The following RBMS3 variants were observed in gnomAD, a reference collection of about 807,000 sequenced individuals.
The protein encoded by RBMS3 is RNA binding motif single stranded interacting protein 3.
Under a neutral mutation model 66.8 loss-of-function variants are expected in RBMS3, and 27 were observed. The observed-to-expected ratio is 0.40, with a 90% CI of 0.30 to 0.56. The LOEUF is 0.56. Among genes scored for constraint, RBMS3 ranks in the 20% least tolerant of loss-of-function variants. The pLI, the probability that RBMS3 is intolerant of heterozygous loss-of-function variation, is 0.40. For missense variants in RBMS3, 513 were observed against 549.5 expected (o/e 0.93, Z 0.66); for synonymous variants, 188 against 183.0 (o/e 1.03, Z -0.22).
chr3:29,876,525 C>T (rs767560514), intron 7 of RBMS3, among the ~76,000 whole-genome samples: 2 of 152,062 alleles, frequency 1.3e-5, no homozygotes, highest in Non-Finnish European at 2.9e-5. Flanking sequence ...TAGAAAGAGG[C>T]GATATCAAGA....
chr3:29,574,885 CACTTTA>C (rs1169611999), intron 3 of RBMS3, among the ~76,000 whole-genome samples: 1 of 151,628 alleles, frequency 6.6e-6, no homozygotes, highest in Non-Finnish European at 1.5e-5. Context: ...AAAAACCCTA[CACTTTA>C]ACTTCATCCC....
At chr3:29,748,768 G>C (rs958533407) in intron 5 of RBMS3, among the ~76,000 whole-genome samples, 2 of 152,168 alleles carry the variant, frequency 1.3e-5, no homozygotes, top group Non-Finnish European at 2.9e-5. Context: ...ATGTTTTGAA[G>C]AAAGCATAGT....
At chr3:29,937,980 G>A (rs1394207017) in intron 11 of RBMS3, among the ~76,000 whole-genome samples, 3 of 151,668 alleles carry the variant, frequency 2.0e-5, no homozygotes, top group Non-Finnish European at 4.4e-5. Flanking sequence ...TAACAATCTG[G>A]AATCTGATTA....
intron 3 of RBMS3, among the ~76,000 whole-genome samples, chr3:29,500,968 A>G (rs1256389309): frequency 2.0e-5 from 3 of 152,188 alleles, no homozygotes; most frequent in Admixed American, 2.0e-4. Flanking sequence ...AATAAAATGT[A>G]AAAAGGAATC....
chr3:29,737,510 A>G (rs779408938), intron 4 of RBMS3, among the ~76,000 whole-genome samples: 4 of 152,160 alleles, frequency 2.6e-5, no homozygotes, highest in Non-Finnish European at 5.9e-5. Flanking sequence ...GTCCTTGGGC[A>G]AGATTGAATC....
intron 12 of RBMS3, among the ~76,000 whole-genome samples, chr3:29,975,400 C>T (rs1472420885): frequency 6.6e-6 from 1 of 151,548 alleles, no homozygotes; most frequent in Non-Finnish European, 1.5e-5. Flanking sequence ...TCCTATTGTC[C>T]ACATCCTTAC....
chr3:29,846,467 CT>C (rs1201128639), intron 6 of RBMS3, among the ~76,000 whole-genome samples: 1 of 152,138 alleles, frequency 6.6e-6, no homozygotes, highest in Non-Finnish European at 1.5e-5. Context: ...TACTTTGCAT[CT>C]GTTATTTCCA....
chr3:29,862,021 G>A (rs1277498839), intron 6 of RBMS3, among the ~76,000 whole-genome samples: 1 of 152,068 alleles, frequency 6.6e-6, no homozygotes, highest in Non-Finnish European at 1.5e-5. Context: ...GAAAGTAATT[G>A]GCACCATAAT....
chr3:29,804,453 C>A (rs1290565580), intron 6 of RBMS3, among the ~76,000 whole-genome samples: 1 of 151,788 alleles, frequency 6.6e-6, no homozygotes, highest in Non-Finnish European at 1.5e-5. Flanking sequence ...TTGAGCTTGG[C>A]AAATGGCAAA....
At chr3:29,475,112 A>G (rs192162622) in intron 2 of RBMS3, among the ~76,000 whole-genome samples, 7 of 152,360 alleles carry the variant, frequency 4.6e-5, no homozygotes, top group African/African-American at 1.7e-4. Context: ...TGAAAGGTTT[A>G]TTAAGGTTTA....
intron 6 of RBMS3, among the ~76,000 whole-genome samples, chr3:29,788,101 A>G (rs1192678500): frequency 3.3e-5 from 5 of 151,918 alleles, no homozygotes; most frequent in African/African-American, 1.2e-4. Context: ...CTGCTCCTGA[A>G]TCCCAAACGT....
At chr3:29,762,627 T>C (rs530308184) in intron 5 of RBMS3, among the ~76,000 whole-genome samples, 1 of 152,262 alleles carries the variant, frequency 6.6e-6, no homozygotes, top group East Asian at 1.9e-4. Flanking sequence ...TTGCCAAATA[T>C]TGCTGGGTGA....
intron 3 of RBMS3, among the ~76,000 whole-genome samples, chr3:29,522,136 C>G (rs2044884253): frequency 6.6e-6 from 1 of 152,128 alleles, no homozygotes; most frequent in South Asian, 2.1e-4. Flanking sequence ...AGAAGCTAAA[C>G]AGTCTAGAGG....
At chr3:29,626,992 G>T (rs2049084559) in intron 4 of RBMS3, among the ~76,000 whole-genome samples, 1 of 152,090 alleles carries the variant, frequency 6.6e-6, no homozygotes, top group African/African-American at 2.4e-5. Context: ...TAAAGCCTGG[G>T]TTGCTACCCT....
chr3:29,874,711 T>C (rs566620267), intron 7 of RBMS3, among the ~76,000 whole-genome samples: 2 of 152,184 alleles, frequency 1.3e-5, no homozygotes, highest in Non-Finnish European at 1.5e-5. Flanking sequence ...AAGCTCAAGG[T>C]TAATGGAACT....
chr3:29,334,471 A>G (rs2035835468), intron 1 of RBMS3, among the ~76,000 whole-genome samples: 1 of 152,194 alleles, frequency 6.6e-6, no homozygotes, highest in South Asian at 2.1e-4. Context: ...ATTTTTAAGA[A>G]ACAGTGTTCT....
At chr3:29,707,487 T>G (rs2052958057) in intron 4 of RBMS3, among the ~76,000 whole-genome samples, 1 of 152,240 alleles carries the variant, frequency 6.6e-6, no homozygotes, top group Non-Finnish European at 1.5e-5. Context: ...ATGATTTTTC[T>G]TAAGTGTAGC....
chr3:29,939,743 G>A (rs976033857), intron 11 of RBMS3, among the ~76,000 whole-genome samples: 9 of 151,604 alleles, frequency 5.9e-5, no homozygotes, highest in African/African-American at 1.9e-4. Flanking sequence ...CATGATTTTC[G>A]TAAGCAATCT....
chr3:29,911,107 A>G (rs1235323377), intron 10 of RBMS3, among the ~76,000 whole-genome samples: 3 of 152,010 alleles, frequency 2.0e-5, no homozygotes, highest in African/African-American at 7.2e-5. Context: ...CTGTGGAGGG[A>G]GTAGAGGAAT....
Sources: gnomAD v4.1 joint callset for allele counts (sites outside exome capture counted in the v4.1 genomes callset) on GRCh38, gnomAD v4.1.1 for gene constraint, MANE v1.5 for transcripts, NCBI Gene and HGNC (gene_info 2026-07-23, HGNC 2026-07-21) for gene names.